The following LUZP2 variants were observed in gnomAD, a reference collection of about 807,000 sequenced individuals.
LUZP2 encodes leucine zipper protein 2.
In LUZP2, 52 loss-of-function variants were observed where a neutral mutation model predicts 51.6. The ratio of observed to expected loss-of-function variants is 1.01; its 90% CI spans 0.81 to 1.27. The LOEUF is 1.27. Ranked by LOEUF, LUZP2 falls within the 50% of genes most tolerant of loss-of-function variation. LUZP2 has a pLI of 0.00. For synonymous variants in LUZP2, 154 were observed against 137.3 expected (o/e 1.12, Z -0.85); for missense variants, 436 against 395.4 (o/e 1.10, Z -0.87).
intron 4 of LUZP2, among the ~76,000 whole-genome samples, chr11:24,756,565 G>A (rs2716548): frequency 0.78 from 118,480 of 152,038 alleles, 46,320 homozygotes; most frequent in East Asian, 0.88. Context: ...CTCTTTCCGA[G>A]CTGTGTTTCC....
At chr11:24,914,773 G>A (rs562126908) in intron 7 of LUZP2, among the ~76,000 whole-genome samples, 1 of 152,128 alleles carries the variant, frequency 6.6e-6, no homozygotes, top group Non-Finnish European at 1.5e-5. Context: ...GGTTAGGAGT[G>A]TATAAAACAA....
intron 9 of LUZP2, among the ~76,000 whole-genome samples, chr11:24,987,446 A>G (rs1856219999): frequency 6.6e-6 from 1 of 151,912 alleles, no homozygotes; most frequent in Admixed American, 6.6e-5. Flanking sequence ...TCAGATAAGC[A>G]ATGCAGATAA....
chr11:24,724,350 G>A (rs181833673), intron 1 of LUZP2, among the ~76,000 whole-genome samples: 3 of 152,044 alleles, frequency 2.0e-5, no homozygotes, highest in Non-Finnish European at 2.9e-5. Flanking sequence ...AGGGCAGATC[G>A]ATTGAGCTCA....
chr11:24,823,795 G>A (rs1437835659), intron 5 of LUZP2, among the ~76,000 whole-genome samples: 1 of 152,126 alleles, frequency 6.6e-6, no homozygotes, highest in Non-Finnish European at 1.5e-5. Flanking sequence ...CAGGCATGGT[G>A]GTTCACACCT....
At chr11:24,910,953 T>C (rs550186271) in intron 6 of LUZP2, among the ~76,000 whole-genome samples, 1 of 152,062 alleles carries the variant, frequency 6.6e-6, no homozygotes, top group Non-Finnish European at 1.5e-5. Context: ...ATCCACAGGG[T>C]GCAGCTGCAC....
chr11:24,505,137 G>C (rs1487898935), intron 1 of LUZP2, among the ~76,000 whole-genome samples: 1 of 152,128 alleles, frequency 6.6e-6, no homozygotes, highest in Non-Finnish European at 1.5e-5. Flanking sequence ...TTCATCTCAT[G>C]TCCCCTGTGG....
chr11:24,790,829 A>C (rs767452735), intron 5 of LUZP2, among the ~76,000 whole-genome samples: 5 of 152,210 alleles, frequency 3.3e-5, no homozygotes, highest in African/African-American at 1.2e-4. Context: ...TCTTTGTTAG[A>C]TATTTCTTAA....
At chr11:24,878,713 A>G (rs1590678184) in intron 5 of LUZP2, among the ~76,000 whole-genome samples, 1 of 151,746 alleles carries the variant, frequency 6.6e-6, no homozygotes, top group African/African-American at 2.4e-5. Flanking sequence ...ACGTAGGTAT[A>G]CCTGTGCCAT....
intron 5 of LUZP2, among the ~76,000 whole-genome samples, chr11:24,782,380 T>C (rs1364875493): frequency 6.6e-6 from 1 of 152,100 alleles, no homozygotes; most frequent in Non-Finnish European, 1.5e-5. Flanking sequence ...GCTCAAACTC[T>C]GTACTATGAG....
chr11:24,746,310 A>G (rs894468350), intron 4 of LUZP2, among the ~76,000 whole-genome samples: 1 of 152,148 alleles, frequency 6.6e-6, no homozygotes, highest in Non-Finnish European at 1.5e-5. Flanking sequence ...TTCATATATG[A>G]TGCTTACTTT....
intron 7 of LUZP2, among the ~76,000 whole-genome samples, chr11:24,942,630 A>G (rs551954974): frequency 6.6e-6 from 1 of 152,226 alleles, no homozygotes; most frequent in Non-Finnish European, 1.5e-5. Context: ...ATAGTTCTTT[A>G]TCAGATATAT....
chr11:24,741,839 A>C (rs1297793689), intron 4 of LUZP2, among the ~76,000 whole-genome samples: 1 of 140,776 alleles, frequency 7.1e-6, no homozygotes, highest in African/African-American at 2.7e-5. Context: ...ATTTATATAT[A>C]TTTATAAATA....
intron 7 of LUZP2, among the ~76,000 whole-genome samples, chr11:24,968,034 A>G (rs1457471370): frequency 6.6e-6 from 1 of 152,080 alleles, no homozygotes; most frequent in African/African-American, 2.4e-5. Context: ...AATCAACTTG[A>G]TTTGTGTACG....
intron 1 of LUZP2, among the ~76,000 whole-genome samples, chr11:24,657,221 G>A (rs564154270): frequency 6.6e-6 from 1 of 152,292 alleles, no homozygotes; most frequent in African/African-American, 2.4e-5. Flanking sequence ...AGAAGTTATA[G>A]CAGTGCTTGA....
chr11:24,558,435 T>A (rs966133140), intron 1 of LUZP2, among the ~76,000 whole-genome samples: 34 of 139,312 alleles, frequency 2.4e-4, no homozygotes, highest in African/African-American at 9.1e-4. Flanking sequence ...TCTGGAGAAC[T>A]CTGACTCAAA....
At chr11:24,832,030 T>C (rs1214476982) in intron 5 of LUZP2, 1 of 152,502 alleles carries the variant, frequency 6.6e-6, no homozygotes, top group Admixed American at 6.6e-5. Flanking sequence ...AAAATAAATA[T>C]GTGTGGAATT....
chr11:24,590,682 T>C (rs911348628), intron 1 of LUZP2, among the ~76,000 whole-genome samples: 1 of 152,168 alleles, frequency 6.6e-6, no homozygotes, highest in Non-Finnish European at 1.5e-5. Context: ...AATGTAGCTA[T>C]CATTAAGGCA....
chr11:24,520,629 G>A (rs1354248233), intron 1 of LUZP2, among the ~76,000 whole-genome samples: 2 of 152,058 alleles, frequency 1.3e-5, no homozygotes, highest in African/African-American at 4.8e-5. Flanking sequence ...ATCCTTTTTG[G>A]GGGCAGGAGA....
chr11:24,963,071 A>G (rs1044873253), intron 7 of LUZP2, among the ~76,000 whole-genome samples: 2 of 152,182 alleles, frequency 1.3e-5, no homozygotes. Flanking sequence ...TGTTTGCAGA[A>G]CAGCGGTTTT....
Sources: gnomAD v4.1 joint callset for allele counts (sites outside exome capture counted in the v4.1 genomes callset) on GRCh38, gnomAD v4.1.1 for gene constraint, MANE v1.5 for transcripts, NCBI Gene and HGNC (gene_info 2026-07-23, HGNC 2026-07-21) for gene names.